SHANK2: variants seen among roughly 807,000 people sequenced by gnomAD.
SHANK2 encodes SH3 and multiple ankyrin repeat domains protein 2.
In SHANK2, 43 loss-of-function variants were observed where a neutral mutation model predicts 133.7. That is an observed-to-expected ratio of 0.32 (90% CI 0.25 to 0.41). The LOEUF (loss-of-function observed/expected upper bound fraction) is 0.41. Ranked by LOEUF, SHANK2 falls within the 10% of genes least tolerant of loss-of-function variation. The pLI is 1.00. For missense variants in SHANK2, 1,994 were observed against 2,235.8 expected (o/e 0.89, Z 2.18); for synonymous variants, 1,017 against 952.8 (o/e 1.07, Z -1.24).
intron 10 of SHANK2, among the ~76,000 whole-genome samples, chr11:70,914,545 C>T (rs1157410894): frequency 2.0e-5 from 3 of 151,764 alleles, no homozygotes; most frequent in South Asian, 2.1e-4. Flanking sequence ...GGGTTGGGCA[C>T]GGTAGCTCAC....
intron 11 of SHANK2, among the ~76,000 whole-genome samples, chr11:70,844,531 C>T (rs377396908): frequency 6.6e-6 from 1 of 152,188 alleles, no homozygotes; most frequent in East Asian, 1.9e-4. Context: ...GGCTCCACGC[C>T]GGGCACTGCC....
chr11:70,690,273 A>G lies in SHANK2; in HGVS notation c.1853+8415T>C, dbSNP rs146803907. 6.4e-4 allele frequency among the ~76,000 whole-genome samples: 97 copies of G among 152,236 alleles called. 1 individual carries two copies. Among genetic ancestry groups the G allele is most frequent in the African/African-American group, 2.3e-3 (94 of 41,546 alleles). On this transcript the variant is annotated intron_variant, in intron 15 of 25. Transcript: ENST00000601538. ...AATTTTTCTCCCACGAGAAAAAAAAAGGCAATCAGAAACTCCAGGAAAAAC... is the reference window on the plus strand; with the variant it reads ...AATTTTTCTCCCACGAGAAAAAAAAGGGCAATCAGAAACTCCAGGAAAAAC...
chr11:70,796,884 A>C (rs1225558868), intron 14 of SHANK2, among the ~76,000 whole-genome samples: 2 of 152,142 alleles, frequency 1.3e-5, no homozygotes, highest in African/African-American at 4.8e-5. Context: ...TTCCATGCTA[A>C]ATGACCCTCC....
chr11:70,486,777 C>T lies in SHANK2; in HGVS notation c.3516G>A (p.Pro1172=), dbSNP rs782037841. The change falls in exon 25 of 26, where the codon CCG becomes CCA. Residue 1172 remains proline, a synonymous_variant. Transcript: ENST00000601538. This position sits in a 1 kb window ranked among gnomAD's most constrained non-coding sequence, Gnocchi z 8.0. ...CCTGGGCTTTGGACGTGGAATTCAGCGGCCTCCCAGCCTCACCCGGAGCAC... is the reference window on the plus strand; with the variant it reads ...CCTGGGCTTTGGACGTGGAATTCAGTGGCCTCCCAGCCTCACCCGGAGCAC... ...EASAPGEAGR[P]LNSTSKAQGP... is the part of the protein sequence containing the mutation. 3.7e-6 allele frequency: 6 copies of T among 1,611,450 alleles called. No homozygotes were observed. The Admixed American group carries it at 5.0e-5, about 13-fold the overall frequency.
intron 4 of SHANK2, among the ~76,000 whole-genome samples, 198 bp downstream of exon 4, chr11:71,118,631 C>T (rs1368471275): frequency 2.6e-5 from 4 of 152,276 alleles, no homozygotes; most frequent in African/African-American, 7.2e-5. Flanking sequence ...GTGGGGATTA[C>T]AATTAGAGGT....
rs990944734 is a variant in SHANK2, at chr11:70,866,586, G to A, written c.1174+29915C>T. ...AGTAACTCTAGCACCAAGGGTTCAC[G>A]GAGCTTGCATTTGGGAATCCGAGGA... is the stretch of plus-strand genomic sequence containing the variant. On this transcript the variant is annotated intron_variant, in intron 11 of 25. Coordinates refer to ENST00000601538, the MANE Select transcript of SHANK2 (RefSeq NM_012309.5). 4.0e-4 allele frequency among the ~76,000 whole-genome samples: 61 copies of A among 152,164 alleles called. 1 individual carries two copies. The highest frequency in any genetic ancestry group is 1.4e-3 in the African/African-American group (60 of 41,438).
chr11:70,902,244 G>A (rs916806396), intron 10 of SHANK2, among the ~76,000 whole-genome samples: 5 of 152,202 alleles, frequency 3.3e-5, no homozygotes, highest in South Asian at 4.1e-4. Context: ...TCTCACTTCC[G>A]TATCTGCTGG....
chr11:71,225,210 A>G (rs1954620252), intron 1 of SHANK2, among the ~76,000 whole-genome samples: 1 of 152,236 alleles, frequency 6.6e-6, no homozygotes, highest in South Asian at 2.1e-4. Flanking sequence ...CAATATATTT[A>G]GACAACAGGT....
At chr11:70,563,395 T>A (rs2136139916) in intron 17 of SHANK2, among the ~76,000 whole-genome samples, 1 of 152,362 alleles carries the variant, frequency 6.6e-6, no homozygotes, top group East Asian at 1.9e-4. Context: ...ACACCTACGA[T>A]CTTTCCATGT....
intron 9 of SHANK2, among the ~76,000 whole-genome samples, chr11:71,060,195 T>C (rs2135930986): frequency 6.6e-6 from 1 of 152,352 alleles, no homozygotes; most frequent in South Asian, 2.1e-4. Context: ...TGAGTGCTAC[T>C]GGCACTTACT....
chr11:70,623,494 T>C (rs1450373293), intron 17 of SHANK2, among the ~76,000 whole-genome samples: 1 of 152,146 alleles, frequency 6.6e-6, no homozygotes, highest in African/African-American at 2.4e-5. Flanking sequence ...CACAGCACCC[T>C]TGATGAGGAC....
intron 10 of SHANK2, among the ~76,000 whole-genome samples, chr11:70,909,634 C>T (rs1442819293): frequency 2.0e-5 from 3 of 152,246 alleles, no homozygotes; most frequent in African/African-American, 7.2e-5. Flanking sequence ...AAGGCCCTGT[C>T]CATTCGATTC....
chr11:71,253,163 G>A (rs1948217662), upstream of SHANK2, among the ~76,000 whole-genome samples: 2 of 152,174 alleles, frequency 1.3e-5, no homozygotes, highest in South Asian at 4.1e-4. Flanking sequence ...GGTGGGGGGA[G>A]CAAAAGCCAA....
chr11:70,853,434 C>T (rs185414195), intron 11 of SHANK2, among the ~76,000 whole-genome samples: 9 of 152,264 alleles, frequency 5.9e-5, no homozygotes, highest in East Asian at 3.9e-4. Context: ...ACCCAGTGAC[C>T]GAGAGAGGTT....
At chr11:70,685,193 A>G (rs1945118024) in intron 15 of SHANK2, among the ~76,000 whole-genome samples, 1 of 152,084 alleles carries the variant, frequency 6.6e-6, no homozygotes, top group East Asian at 1.9e-4. Flanking sequence ...AATGAAACCC[A>G]GGAAAGAAAA....
intron 14 of SHANK2, among the ~76,000 whole-genome samples, chr11:70,751,676 GA>G (rs1946751316): frequency 1.3e-5 from 2 of 152,140 alleles, no homozygotes; most frequent in Admixed American, 1.3e-4. Flanking sequence ...TATATTTTAT[GA>G]TAGTAGTTTC....
At chr11:70,593,032 C>A (rs2060346813) in intron 17 of SHANK2, among the ~76,000 whole-genome samples, 1 of 152,206 alleles carries the variant, frequency 6.6e-6, no homozygotes, top group Admixed American at 6.5e-5. Context: ...CCAGCCCTGG[C>A]CTCGCATGAA....
intron 8 of SHANK2, among the ~76,000 whole-genome samples, chr11:71,084,364 T>G (rs1443653565): frequency 3.3e-5 from 5 of 152,052 alleles, no homozygotes; most frequent in Non-Finnish European, 1.5e-5. Flanking sequence ...ATCCCCACTG[T>G]GTGAAGTGGA....
chr11:71,150,771 G>A (rs781983280), intron 2 of SHANK2, among the ~76,000 whole-genome samples: 2 of 152,140 alleles, frequency 1.3e-5, no homozygotes, highest in Middle Eastern at 3.4e-3. Flanking sequence ...TCTCGGCTGC[G>A]TGGAGTGGGT....
Sources: allele counts gnomAD v4.1 joint callset (sites outside exome capture counted in the v4.1 genomes callset), GRCh38; gene constraint gnomAD v4.1.1; non-coding constraint Gnocchi (gnomAD v3.1); transcripts MANE v1.5; gene names NCBI Gene and HGNC (gene_info 2026-07-23, HGNC 2026-07-21).